Variants in SH3GL2 observed in about 807,000 individuals in gnomAD.
SH3GL2 encodes endophilin-A1.
A neutral mutation model predicts 46.0 loss-of-function variants in SH3GL2; 24 were observed. The observed-to-expected ratio is 0.52, with a 90% confidence interval of 0.38 to 0.73. The LOEUF is 0.73. Among genes scored for constraint, SH3GL2 ranks in the 30% least tolerant of loss-of-function variants. The pLI is 0.00. For synonymous variants in SH3GL2, 196 were observed against 147.1 expected (o/e 1.33, Z -2.40); for missense variants, 413 against 424.2 (o/e 0.97, Z 0.23).
At chr9:17,705,453 A>G (rs900283753) in intron 1 of SH3GL2, among the ~76,000 whole-genome samples, 2 of 151,518 alleles carry the variant, frequency 1.3e-5, no homozygotes, top group African/African-American at 2.4e-5. Context: ...TATGTTCAGC[A>G]CAGCAGTATT....
rs1305282768 is a variant in SH3GL2, at chr9:17,789,544, G to T, written c.618G>T (p.Glu206Asp). The change falls in exon 6 of 9, where the codon GAG becomes GAT. Residue 206 changes from glutamate to aspartate, a missense_variant. Coordinates refer to ENST00000380607, the MANE Select transcript of SH3GL2 (RefSeq NM_003026.5). ...IAESSMFNLL[E>D]MDIEQVSQLS... ...AGTCAAGCATGTTCAATCTCTTGGA[G>T]ATGGATGTAAGTGACTCCTGTGGTT... is the stretch of plus-strand genomic sequence containing the variant. The T allele has an allele frequency of 1.2e-6, 2 of 1,613,272 alleles. No homozygotes were observed. Among genetic ancestry groups the T allele is most frequent in the Non-Finnish European group, 8.5e-7 (1 of 1,179,516 alleles).
intron 1 of SH3GL2, among the ~76,000 whole-genome samples, chr9:17,700,492 A>T (rs1712161345): frequency 6.6e-6 from 1 of 152,188 alleles, no homozygotes; most frequent in South Asian, 2.1e-4. Flanking sequence ...GGTTCCCTGG[A>T]TTCCTGTGGT....
chr9:17,713,933 A>G (rs2147733), intron 1 of SH3GL2, among the ~76,000 whole-genome samples: 16,497 of 151,694 alleles, frequency 0.11, 2,971 homozygotes, highest in African/African-American at 0.37. Context: ...TATGTATCTG[A>G]CAATTTTCTG....
At chr9:17,683,350 A>G (rs540153184) in intron 1 of SH3GL2, among the ~76,000 whole-genome samples, 3 of 152,148 alleles carry the variant, frequency 2.0e-5, no homozygotes, top group South Asian at 4.2e-4. Flanking sequence ...CAAGAAAGGC[A>G]TGAAGCCCTC....
intron 1 of SH3GL2, among the ~76,000 whole-genome samples, chr9:17,587,770 C>G (rs937868095): frequency 6.6e-6 from 1 of 151,930 alleles, no homozygotes; most frequent in Non-Finnish European, 1.5e-5. Context: ...CCCAGCTACT[C>G]GGGAGGCTGA....
In SH3GL2 at chr9:17,795,912, G is replaced by A. The variant is rs1824262183; in HGVS notation, c.*169G>A. 1 of 605,486 alleles carries A rather than the reference G, an allele frequency of 1.7e-6. No homozygotes were observed. The highest frequency in any genetic ancestry group is 2.9e-5 in the Admixed American group (1 of 34,242). 37.5% of individuals were successfully genotyped at this position (605,486 alleles called of 1,614,324 possible). The stretch of plus-strand genomic sequence containing the variant: ...TGTGGGCTCCCACAGGAGTCATGGT[G>A]ATGGATGATATCCTCTTAGCCTGGT... On this transcript the variant is annotated 3_prime_UTR_variant, in exon 9 of 9. Coordinates refer to ENST00000380607, the MANE Select transcript of SH3GL2 (RefSeq NM_003026.5).
intron 1 of SH3GL2, among the ~76,000 whole-genome samples, chr9:17,658,542 C>T (rs1168222312): frequency 2.6e-5 from 4 of 152,138 alleles, no homozygotes; most frequent in African/African-American, 9.7e-5. Flanking sequence ...CTGTATGTGC[C>T]AGCCACAGTG....
chr9:17,753,068 A>G (rs1822893350), intron 2 of SH3GL2, among the ~76,000 whole-genome samples: 1 of 152,148 alleles, frequency 6.6e-6, no homozygotes, highest in Non-Finnish European at 1.5e-5. Flanking sequence ...ATAGTATTCC[A>G]TGGTGTATAC....
At chr9:17,787,256 C>T in intron 4 of SH3GL2, 124 bp from the exon 5 acceptor site, 1 of 743,602 alleles carries the variant, frequency 1.3e-6, no homozygotes, top group South Asian at 1.8e-5. Flanking sequence ...TACCTATTCT[C>T]TCTTGTCTGT....
At chr9:17,645,736 G>T (rs59235149) in intron 1 of SH3GL2, among the ~76,000 whole-genome samples, 1 of 152,162 alleles carries the variant, frequency 6.6e-6, no homozygotes, top group African/African-American at 2.4e-5. Flanking sequence ...TCTGCTGAGA[G>T]ATCCGCTGTT....
intron 1 of SH3GL2, among the ~76,000 whole-genome samples, chr9:17,722,815 A>C (rs950604153): frequency 2.0e-5 from 3 of 152,124 alleles, no homozygotes; most frequent in Admixed American, 6.5e-5. Context: ...ATATCTGACT[A>C]TAACAACTAG....
At chr9:17,744,015 T>C (rs931131358) in intron 1 of SH3GL2, among the ~76,000 whole-genome samples, 5 of 152,168 alleles carry the variant, frequency 3.3e-5, no homozygotes, top group African/African-American at 1.2e-4. Flanking sequence ...TGACAACAAA[T>C]GGAATTTTGG....
intron 1 of SH3GL2, among the ~76,000 whole-genome samples, chr9:17,622,981 C>G (rs536763896): frequency 1.3e-5 from 1 of 79,550 alleles, no homozygotes; most frequent in African/African-American, 5.1e-5. Context: ...CTTTCGTTTC[C>G]TTTCGTTTCC....
At chr9:17,770,764 G>A (rs1033606967) in intron 3 of SH3GL2, among the ~76,000 whole-genome samples, 1 of 152,176 alleles carries the variant, frequency 6.6e-6, no homozygotes, top group Admixed American at 6.5e-5. Flanking sequence ...GGAACTGGGG[G>A]TAGTCTCTAG....
intron 1 of SH3GL2, among the ~76,000 whole-genome samples, chr9:17,581,918 C>T (rs139834287): frequency 6.6e-6 from 1 of 152,060 alleles, no homozygotes; most frequent in Non-Finnish European, 1.5e-5. Context: ...AGGCTGGTCT[C>T]GAACTCCTGA....
intron 1 of SH3GL2, among the ~76,000 whole-genome samples, chr9:17,582,133 C>G (rs1174315460): frequency 6.6e-6 from 1 of 152,108 alleles, no homozygotes; most frequent in Non-Finnish European, 1.5e-5. Context: ...CAACTGTTGT[C>G]TTATATTAGA....
intron 3 of SH3GL2, among the ~76,000 whole-genome samples, chr9:17,761,824 G>A (rs928556843): frequency 6.6e-6 from 1 of 152,220 alleles, no homozygotes; most frequent in Non-Finnish European, 1.5e-5. Context: ...ACTTTCAAGA[G>A]ATGGTAAGAA....
intron 3 of SH3GL2, among the ~76,000 whole-genome samples, chr9:17,782,830 C>T (rs1173692883): frequency 6.6e-6 from 1 of 152,072 alleles, no homozygotes; most frequent in Non-Finnish European, 1.5e-5. Context: ...AACTGGAAGC[C>T]ACAGGCACCT....
intron 1 of SH3GL2, among the ~76,000 whole-genome samples, chr9:17,695,598 T>C (rs565323627): frequency 4.1e-4 from 62 of 151,780 alleles, no homozygotes; most frequent in African/African-American, 1.5e-3. Flanking sequence ...TGTGCTCGCC[T>C]GGGGCCTTCT....
Sources: allele counts gnomAD v4.1 joint callset (sites outside exome capture counted in the v4.1 genomes callset), GRCh38; gene constraint gnomAD v4.1.1; transcripts MANE v1.5; gene names NCBI Gene and HGNC (gene_info 2026-07-23, HGNC 2026-07-21).